The following KY variants were observed in gnomAD, a reference collection of about 807,000 sequenced individuals.
The protein encoded by KY is kyphoscoliosis peptidase.
KY carries 43 observed loss-of-function variants against 76.1 expected under a neutral mutation model. The ratio of observed to expected loss-of-function variants is 0.57; its 90% CI spans 0.44 to 0.73. KY has a LOEUF of 0.73. Among genes scored for constraint, KY ranks in the 30% least tolerant of loss-of-function variants. KY has a pLI of 0.00. For missense variants in KY, 722 were observed against 828.9 expected (o/e 0.87, Z 1.58); for synonymous variants, 277 against 326.2 (o/e 0.85, Z 1.63).
intron 3 of KY, among the ~76,000 whole-genome samples, chr3:134,642,935 C>G (rs1265071740): frequency 6.6e-6 from 1 of 152,154 alleles, no homozygotes; most frequent in Admixed American, 6.5e-5. Context: ...ACCTGTCAAA[C>G]AGGGTTGCTG....
chr3:134,624,936 G>A lies in KY; in HGVS notation c.483+117C>T, dbSNP rs546290626. 6 of 881,292 alleles carry A rather than the reference G, an allele frequency of 6.8e-6. No homozygotes were observed. In the East Asian group the frequency reaches 1.6e-4, roughly 23 times the overall value. The allele number at this position is 881,292 out of a possible 1,614,324, so 54.6% of individuals were successfully genotyped here. A position where few individuals can be genotyped will look rare whatever the true frequency, so the allele number is the denominator to read the frequency against. On this transcript the variant is annotated intron_variant, in intron 6 of 10. Transcript: ENST00000423778. ...ATATGCTATGAAAAGGCATTCCAGGGCCATCCAACCAAGCCACTCAGGATA... is the reference window on the plus strand; with the variant it reads ...ATATGCTATGAAAAGGCATTCCAGGACCATCCAACCAAGCCACTCAGGATA...
At chr3:134,608,979 C>T (rs1423982045) in intron 9 of KY, 140 bp from the exon 10 acceptor site, 2 of 949,754 alleles carry the variant, frequency 2.1e-6, no homozygotes, top group Non-Finnish European at 3.1e-6. Context: ...CTGGAGACTC[C>T]TCCTCAGTGG....
At chr3:134,608,277 A>T in intron 10 of KY, 3 of 1,206,286 alleles carry the variant, frequency 2.5e-6, no homozygotes, top group Non-Finnish European at 2.1e-6. Context: ...TTTCCCTGCT[A>T]TGTGAACTGA....
rs1014102985 is a variant in KY, at chr3:134,602,429, G to C, written c.*1150C>G. Reference sequence around the variant, plus strand: ...TGGAGGGGGCTGTCTTCTCAGAGAAGGGAGGAAAGGAGACGGGATAGGATG... The same window carrying C: ...TGGAGGGGGCTGTCTTCTCAGAGAACGGAGGAAAGGAGACGGGATAGGATG... On this transcript the variant is annotated 3_prime_UTR_variant, in exon 11 of 11. Transcript: ENST00000423778. Among the ~76,000 whole-genome samples, 1 of 152,178 alleles carries C rather than the reference G, an allele frequency of 6.6e-6. No individual in the cohort carries two copies. The highest frequency in any genetic ancestry group is 2.4e-5 in the African/African-American group (1 of 41,432).
At chr3:134,618,156 G>T (rs1474683852) in intron 8 of KY, among the ~76,000 whole-genome samples, 1 of 152,160 alleles carries the variant, frequency 6.6e-6, no homozygotes, top group African/African-American at 2.4e-5. Flanking sequence ...TCAGCAGCCG[G>T]GTAGGTGCCT....
intron 8 of KY, among the ~76,000 whole-genome samples, chr3:134,617,160 T>C (rs1022544206): frequency 6.6e-6 from 1 of 152,214 alleles, no homozygotes; most frequent in Non-Finnish European, 1.5e-5. Context: ...TTCTACAGTA[T>C]GCTAGAAAGC....
intron 10 of KY, 31 bp from the exon 11 acceptor site, chr3:134,604,505 TG>T (rs757898217): frequency 6.3e-7 from 1 of 1,576,736 alleles, no homozygotes. Flanking sequence ...TCAGCAGAGA[TG>T]GGTCCAGCAC....
chr3:134,627,680 G>T, intron 5 of KY, 76 bp downstream of exon 5: 1 of 1,350,348 alleles, frequency 7.4e-7, no homozygotes, highest in Non-Finnish European at 1.1e-6. Flanking sequence ...GGAAGCAACT[G>T]TCAATTGGAG....
At chr3:134,626,736 T>C (rs1963504533) in intron 5 of KY, among the ~76,000 whole-genome samples, 1 of 152,190 alleles carries the variant, frequency 6.6e-6, no homozygotes, top group African/African-American at 2.4e-5. Context: ...AATGCCCACT[T>C]ATTGGGGAGC....
chr3:134,613,922 G>T (rs1961014609), intron 8 of KY, among the ~76,000 whole-genome samples: 1 of 152,154 alleles, frequency 6.6e-6, no homozygotes, highest in Non-Finnish European at 1.5e-5. Flanking sequence ...ATCACTGGCC[G>T]CACACACTGT....
intron 10 of KY, among the ~76,000 whole-genome samples, chr3:134,605,893 A>G (rs541650437): frequency 1.3e-5 from 2 of 152,004 alleles, no homozygotes; most frequent in African/African-American, 2.4e-5. Flanking sequence ...CTTAACTCCA[A>G]TGCCATTGCT....
intron 10 of KY, chr3:134,608,186 G>T: frequency 8.6e-7 from 1 of 1,168,814 alleles, no homozygotes; most frequent in Non-Finnish European, 1.1e-6. Flanking sequence ...GCAGGAGTTG[G>T]GGAAGAGAAC....
chr3:134,650,284 T>C (rs2108061069), intron 1 of KY, among the ~76,000 whole-genome samples: 2 of 152,346 alleles, frequency 1.3e-5, no homozygotes, highest in South Asian at 4.1e-4. Flanking sequence ...CTGCGTTCCT[T>C]TTACGCCTTT....
Position 134,603,373 on chromosome 3 carries a change from GC to G in KY, c.*205del, listed in dbSNP as rs1003503662. ...TTCCTTCTAAAGAGCCACTGCCTCT[GC>G]CCCCTCAGTCACAGCCACACCTGAG... On this transcript the variant is annotated 3_prime_UTR_variant, in exon 11 of 11. Transcript: ENST00000423778. 4 of 500,460 alleles carry G rather than the reference GC, an allele frequency of 8.0e-6. No homozygotes were observed. The highest frequency in any genetic ancestry group is 1.4e-5 in the Non-Finnish European group (4 of 285,092). 31.0% of individuals were successfully genotyped at this position (500,460 alleles called of 1,614,324 possible).
intron 3 of KY, among the ~76,000 whole-genome samples, chr3:134,640,201 T>C (rs541149779): frequency 7.0e-6 from 1 of 143,024 alleles, no homozygotes; most frequent in African/African-American, 2.5e-5. Context: ...AATCTCAGAC[T>C]GCACATTGAG....
chr3:134,636,018 G>A (rs1029104290), intron 3 of KY, among the ~76,000 whole-genome samples: 4 of 152,128 alleles, frequency 2.6e-5, no homozygotes, highest in African/African-American at 9.7e-5. Context: ...ATCCATATAA[G>A]CAATCCCTTT....
In KY at chr3:134,620,792, C is replaced by G; in HGVS notation, c.549G>C (p.Leu183=). ...SDLLQEAHTD[L]ERVRAIWIWI... ...AGATCCAGATGGCGCGGACCCTTTCCAGGTCAGTGTGGGCCTCCTGGAGCA... is the reference window on the plus strand; with the variant it reads ...AGATCCAGATGGCGCGGACCCTTTCGAGGTCAGTGTGGGCCTCCTGGAGCA... Residue 183 remains leucine (L), a synonymous_variant, in exon 7 of 11, where the codon CTG becomes CTC. Transcript: ENST00000423778. The G allele has an allele frequency of 6.2e-7, 1 of 1,613,740 alleles. No homozygotes were observed. Among genetic ancestry groups the G allele is most frequent in the East Asian group, 2.2e-5 (1 of 44,872 alleles).
At chr3:134,648,259 T>C (rs1166454308) in intron 1 of KY, among the ~76,000 whole-genome samples, 1 of 152,194 alleles carries the variant, frequency 6.6e-6, no homozygotes, top group Non-Finnish European at 1.5e-5. Flanking sequence ...TACGGTACTG[T>C]TCCTGGAAGC....
intron 6 of KY, among the ~76,000 whole-genome samples, chr3:134,621,836 C>T (rs1258311274): frequency 6.6e-6 from 1 of 151,932 alleles, no homozygotes; most frequent in African/African-American, 2.4e-5. Context: ...GTTAAATATC[C>T]AGAATATAAA....
Sources: allele counts gnomAD v4.1 joint callset (sites outside exome capture counted in the v4.1 genomes callset), GRCh38; gene constraint gnomAD v4.1.1; transcripts MANE v1.5; gene names NCBI Gene and HGNC (gene_info 2026-07-23, HGNC 2026-07-21).